The following CDH13 variants were observed in gnomAD, a reference collection of about 807,000 sequenced individuals.
CDH13 encodes the protein cadherin 13.
In CDH13, 24 loss-of-function variants were observed where a neutral mutation model predicts 63.8. The observed-to-expected ratio is 0.38, with a 90% CI of 0.27 to 0.53. The LOEUF (loss-of-function observed/expected upper bound fraction) is 0.53, where lower values mean the gene tolerates loss of function less well. Among genes scored for constraint, CDH13 ranks in the 20% least tolerant of loss-of-function variants. The pLI is 0.85. For missense variants in CDH13, 1,049 were observed against 903.1 expected, an observed-to-expected ratio of 1.16 and a Z score of -2.07; for synonymous variants, 503 against 355.3, an observed-to-expected ratio of 1.42 and a Z score of -4.67.
chr16:83,165,962 A>G (rs571941828), intron 4 of CDH13, among the ~76,000 whole-genome samples: 1 of 152,270 alleles, frequency 6.6e-6, no homozygotes, highest in South Asian at 2.1e-4. Context: ...CAGGAAATTC[A>G]AGGCAAAAGA....
chr16:83,093,442 C>T (rs2034030461), intron 3 of CDH13, among the ~76,000 whole-genome samples: 1 of 150,892 alleles, frequency 6.6e-6, no homozygotes, highest in Admixed American at 6.6e-5. Context: ...CCTCAGCCTA[C>T]TGAGTAGCTG....
At chr16:82,812,951 G>C (rs1007652051) in intron 1 of CDH13, among the ~76,000 whole-genome samples, 1 of 152,050 alleles carries the variant, frequency 6.6e-6, no homozygotes, top group Non-Finnish European at 1.5e-5. Flanking sequence ...TTCTGAGAAG[G>C]TGGGAAAGGC....
chr16:83,589,928 C>T (rs1399742129), intron 7 of CDH13, among the ~76,000 whole-genome samples: 1 of 147,034 alleles, frequency 6.8e-6, no homozygotes, highest in Non-Finnish European at 1.5e-5. Flanking sequence ...TGATTGTTTC[C>T]TGGGGCTTAG....
intron 5 of CDH13, among the ~76,000 whole-genome samples, chr16:83,297,043 T>A (rs959081968): frequency 6.6e-6 from 1 of 152,172 alleles, no homozygotes; most frequent in Non-Finnish European, 1.5e-5. Flanking sequence ...GAGGGACTTC[T>A]GGAAGGCTGT....
rs192052346 is a variant in CDH13, at chr16:83,786,792, T to C, written c.2134+3320T>C. 3.7e-3 allele frequency among the ~76,000 whole-genome samples: 558 copies of C among 152,242 alleles called. 3 individuals carry two copies. The highest frequency in any genetic ancestry group is 0.012 in the African/African-American group (503 of 41,534). The stretch of plus-strand genomic sequence containing the variant: ...TAGTAGAGACGAGGTTTCACCATGT[T>C]GTCCAGGCTGGTCTCAAACCCCTGA... On this transcript the variant is annotated intron_variant, in intron 13 of 13. Coordinates refer to ENST00000567109, the MANE Select transcript of CDH13 (RefSeq NM_001257.5).
chr16:83,017,843 A>G (rs537299786), intron 2 of CDH13, among the ~76,000 whole-genome samples: 1 of 152,308 alleles, frequency 6.6e-6, no homozygotes, highest in African/African-American at 2.4e-5. Context: ...CAGAACTAAC[A>G]TAAATGATGT....
intron 10 of CDH13, among the ~76,000 whole-genome samples, chr16:83,732,991 G>T (rs184636936): frequency 6.6e-6 from 1 of 152,318 alleles, no homozygotes; most frequent in East Asian, 1.9e-4. Flanking sequence ...ATCCCTGGGA[G>T]CTCGCTACCT....
intron 2 of CDH13, among the ~76,000 whole-genome samples, chr16:82,894,891 C>G (rs943338561): frequency 4.6e-5 from 7 of 152,026 alleles, no homozygotes; most frequent in Admixed American, 6.6e-5. Context: ...TGAGAAATGC[C>G]AAGAAGGAAG....
At chr16:83,552,855 C>T (rs2075532366) in intron 7 of CDH13, among the ~76,000 whole-genome samples, 1 of 152,116 alleles carries the variant, frequency 6.6e-6, no homozygotes, top group African/African-American at 2.4e-5. Flanking sequence ...CCAAGGTCGG[C>T]AGATCACAAG....
At position 82,691,820 on chromosome 16, in the gene CDH13, G is replaced by C. The variant is rs80212936; in HGVS notation, c.45+64683G>C. On this transcript the variant is annotated intron_variant, in intron 1 of 13. Transcript: ENST00000567109. ...GCACTGGTTCTTAAATTGGGATCTC[G>C]ATGATGCTGGACTAGCAGCAGCAAT... Among the ~76,000 whole-genome samples, 139 of 152,156 alleles carry C rather than the reference G, an allele frequency of 9.1e-4. 1 individual carries two copies. The highest frequency in any genetic ancestry group is 1.5e-3 in the South Asian group (7 of 4,822).
At chr16:83,644,393 G>A (rs1414394043) in intron 8 of CDH13, among the ~76,000 whole-genome samples, 2 of 152,058 alleles carry the variant, frequency 1.3e-5, no homozygotes, top group East Asian at 3.9e-4. Context: ...GGTGGTTCCT[G>A]GTTTTCCCTT....
At chr16:83,033,513 C>T (rs1319417726) in intron 3 of CDH13, among the ~76,000 whole-genome samples, 1 of 152,030 alleles carries the variant, frequency 6.6e-6, no homozygotes, top group Non-Finnish European at 1.5e-5. Flanking sequence ...TGCGCATATA[C>T]TGTGTATATG....
At chr16:83,305,910 G>A (rs983624405) in intron 5 of CDH13, among the ~76,000 whole-genome samples, 14 of 152,178 alleles carry the variant, frequency 9.2e-5, no homozygotes, top group Admixed American at 5.9e-4. Flanking sequence ...TAATGACAGT[G>A]CCTAACTTGC....
intron 3 of CDH13, among the ~76,000 whole-genome samples, chr16:83,095,809 A>G (rs1217067303): frequency 1.3e-5 from 2 of 152,240 alleles, no homozygotes; most frequent in African/African-American, 2.4e-5. Context: ...AATGAACCAC[A>G]TAGACTCCAG....
At chr16:83,050,685 A>G (rs6565107) in intron 3 of CDH13, among the ~76,000 whole-genome samples, 121,240 of 151,944 alleles carry the variant, frequency 0.8, 48,657 homozygotes, top group East Asian at 0.98. Flanking sequence ...CCTCAGGTCC[A>G]TCGTGTCTAC....
chr16:83,346,318 A>T (rs142253623), intron 6 of CDH13, among the ~76,000 whole-genome samples: 6 of 152,244 alleles, frequency 3.9e-5, no homozygotes, highest in African/African-American at 1.2e-4. Context: ...TTTTGATGGA[A>T]AGATGGCTTC....
chr16:82,630,234 C>T (rs72832152), intron 1 of CDH13, among the ~76,000 whole-genome samples: 16,894 of 152,198 alleles, frequency 0.11, 1,264 homozygotes, highest in Middle Eastern at 0.17. Flanking sequence ...CCCCTCCCCC[C>T]CTAGGGTCAA....
intron 4 of CDH13, among the ~76,000 whole-genome samples, chr16:83,169,123 A>T (rs779425424): frequency 1.3e-5 from 2 of 152,088 alleles, no homozygotes; most frequent in Admixed American, 6.6e-5. Flanking sequence ...GGTATATGAC[A>T]TCTATGGCAT....
rs374715287 is a variant in CDH13, at chr16:83,274,766, C to T, written c.636+57269C>T. Among the ~76,000 whole-genome samples the T allele has an allele frequency of 4.5e-4, 69 of 152,296 alleles. 1 individual carries two copies. The East Asian group carries it at 0.011, about 24-fold the overall frequency. ...TAAATATGCACATTCTTGGGCCCCA[C>T]GCCAGATCTACTACTAAGAACCTCC... is the stretch of plus-strand genomic sequence containing the variant. On this transcript the variant is annotated intron_variant, in intron 5 of 13. Transcript: ENST00000567109.
Sources: gnomAD v4.1 joint callset for allele counts (sites outside exome capture counted in the v4.1 genomes callset) on GRCh38, gnomAD v4.1.1 for gene constraint, MANE v1.5 for transcripts, NCBI Gene and HGNC (gene_info 2026-07-23, HGNC 2026-07-21) for gene names.